The following KCNN2 variants were observed in gnomAD, a reference collection of about 807,000 sequenced individuals.
The protein encoded by KCNN2 is small conductance calcium-activated potassium channel protein 2.
A neutral mutation model predicts 55.5 loss-of-function variants in KCNN2; 24 were observed. The ratio of observed to expected loss-of-function variants is 0.43; its 90% CI spans 0.31 to 0.61. The LOEUF (loss-of-function observed/expected upper bound fraction) is 0.61, where lower values mean the gene tolerates loss of function less well. Among genes scored for constraint, KCNN2 ranks in the 20% least tolerant of loss-of-function variants. The pLI, the probability that KCNN2 is intolerant of heterozygous loss-of-function variation, is 0.08. For synonymous variants in KCNN2, 431 were observed against 336.1 expected, an observed-to-expected ratio of 1.28 and a Z score of -3.09; for missense variants, 754 against 853.6, an observed-to-expected ratio of 0.88 and a Z score of 1.45.
intron 1 of KCNN2, among the ~76,000 whole-genome samples, chr5:114,157,991 G>A (rs1190747873): frequency 6.6e-6 from 1 of 151,958 alleles, no homozygotes; most frequent in African/African-American, 2.4e-5. Flanking sequence ...TTGCTGTGCA[G>A]AAGCTCTTTA....
chr5:114,189,365 C>T (rs1753403540), intron 1 of KCNN2, among the ~76,000 whole-genome samples: 1 of 152,130 alleles, frequency 6.6e-6, no homozygotes. Flanking sequence ...CCAGTTAAAA[C>T]AGGCAGAAGG....
intron 2 of KCNN2, among the ~76,000 whole-genome samples, chr5:114,355,696 A>C (rs1017810690): frequency 6.6e-6 from 1 of 152,262 alleles, no homozygotes; most frequent in East Asian, 1.9e-4. Context: ...GCAAGACTGC[A>C]GACAAGTTCC....
intron 1 of KCNN2, among the ~76,000 whole-genome samples, chr5:114,088,039 C>G (rs1318923612): frequency 6.6e-6 from 1 of 152,014 alleles, no homozygotes; most frequent in African/African-American, 2.4e-5. Context: ...TTCCTTTAAA[C>G]CATCTTTAGT....
intron 2 of KCNN2, among the ~76,000 whole-genome samples, chr5:114,277,544 G>A (rs935560432): frequency 6.6e-6 from 1 of 151,900 alleles, no homozygotes; most frequent in African/African-American, 2.4e-5. Flanking sequence ...TGTTTTCACT[G>A]TGTTGTCTCT....
At chr5:114,190,073 G>C (rs553490467) in intron 1 of KCNN2, among the ~76,000 whole-genome samples, 37 of 152,108 alleles carry the variant, frequency 2.4e-4, no homozygotes, top group African/African-American at 8.7e-4. Context: ...TGATAATTTG[G>C]CTTCATCAAA....
intron 2 of KCNN2, among the ~76,000 whole-genome samples, chr5:114,246,159 C>T (rs1179246009): frequency 6.6e-6 from 1 of 151,952 alleles, no homozygotes; most frequent in Non-Finnish European, 1.5e-5. Context: ...TATAAAATTG[C>T]CTTGATAAAT....
At chr5:114,316,218 A>C (rs1756497142) in intron 2 of KCNN2, among the ~76,000 whole-genome samples, 1 of 152,156 alleles carries the variant, frequency 6.6e-6, no homozygotes, top group Non-Finnish European at 1.5e-5. Context: ...TAAAATTAAT[A>C]GGTGTGGATT....
intron 3 of KCNN2, among the ~76,000 whole-genome samples, chr5:114,430,507 C>T (rs145146740): frequency 2.3e-4 from 35 of 152,074 alleles, no homozygotes; most frequent in African/African-American, 8.4e-4. Context: ...TGTTCTTGTC[C>T]CTTCCTTGGG....
intron 1 of KCNN2, among the ~76,000 whole-genome samples, chr5:114,084,948 C>T (rs1258709230): frequency 2.0e-5 from 3 of 151,814 alleles, no homozygotes; most frequent in Non-Finnish European, 4.4e-5. Flanking sequence ...ACTCCTTTGT[C>T]AGCAATCAAT....
intron 6 of KCNN2, among the ~76,000 whole-genome samples, chr5:114,487,577 A>G (rs1443323634): frequency 1.3e-5 from 2 of 152,186 alleles, no homozygotes; most frequent in Non-Finnish European, 2.9e-5. Context: ...ATTTTAAGTT[A>G]GTTTTTAATC....
intron 4 of KCNN2, 73 bp downstream of exon 4, chr5:114,463,263 A>C: frequency 8.4e-7 from 1 of 1,195,686 alleles, no homozygotes; most frequent in East Asian, 2.5e-5. Context: ...GTCCACGTGC[A>C]TAAGTAATTG....
At chr5:114,471,665 A>G (rs533774936) in intron 4 of KCNN2, among the ~76,000 whole-genome samples, 2 of 152,318 alleles carry the variant, frequency 1.3e-5, no homozygotes, top group Non-Finnish European at 2.9e-5. Flanking sequence ...CAGAATGTCT[A>G]AATACTTGGC....
chr5:114,107,139 A>G (rs1751504396), intron 1 of KCNN2, among the ~76,000 whole-genome samples: 1 of 152,106 alleles, frequency 6.6e-6, no homozygotes. Flanking sequence ...ACCACCATTC[A>G]TTGAGAAAAC....
chr5:114,356,817 C>A (rs572096949), intron 2 of KCNN2, among the ~76,000 whole-genome samples: 13 of 152,068 alleles, frequency 8.5e-5, no homozygotes, highest in Admixed American at 3.9e-4. Flanking sequence ...TAAAGTGGGG[C>A]AATGTGTGAT....
At chr5:114,277,238 A>T (rs763135973) in intron 2 of KCNN2, among the ~76,000 whole-genome samples, 5 of 152,124 alleles carry the variant, frequency 3.3e-5, no homozygotes, top group Non-Finnish European at 7.4e-5. Flanking sequence ...CTTTGTGGGT[A>T]ACCCAGCCTT....
chr5:114,157,552 C>T (rs1183270053), intron 1 of KCNN2, among the ~76,000 whole-genome samples: 2 of 152,132 alleles, frequency 1.3e-5, no homozygotes, highest in Non-Finnish European at 2.9e-5. Context: ...AATGGTATTT[C>T]GAGTTCTAGA....
chr5:114,112,653 G>A (rs970139326), intron 1 of KCNN2, among the ~76,000 whole-genome samples: 2 of 146,602 alleles, frequency 1.4e-5, no homozygotes, highest in African/African-American at 2.6e-5. Flanking sequence ...TCAAAGGTCT[G>A]TAAATTTCAA....
At chr5:114,151,588 C>T (rs1211786288) in intron 1 of KCNN2, among the ~76,000 whole-genome samples, 1 of 152,020 alleles carries the variant, frequency 6.6e-6, no homozygotes, top group East Asian at 1.9e-4. Context: ...CTGTTTTGAT[C>T]AATCACATTG....
rs1438906033 is a variant in KCNN2 at position 114,363,953 on chromosome 5, G to A, written c.1170G>A (p.Thr390=). 1 of 1,614,074 alleles carries A rather than the reference G, an allele frequency of 6.2e-7. No homozygotes were observed. The highest frequency in any genetic ancestry group is 1.7e-5 in the Admixed American group (1 of 60,022). The part of the protein sequence containing the change: ...LALKCLISLS[T]IILLGLIIVY... ...TGAAATGCCTTATCAGTCTCTCCAC[G>A]ATCATCCTGCTCGGTCTGATCATCG... Residue 390 remains threonine, a synonymous_variant, in exon 2 of 8, where the codon ACG becomes ACA. Transcript: ENST00000673685.
Sources: allele counts gnomAD v4.1 joint callset (sites outside exome capture counted in the v4.1 genomes callset), GRCh38; gene constraint gnomAD v4.1.1; transcripts MANE v1.5; gene names NCBI Gene and HGNC (gene_info 2026-07-23, HGNC 2026-07-21).